Variants in SUSD4 observed in about 807,000 individuals in gnomAD.
SUSD4 encodes the protein sushi domain-containing protein 4.
In SUSD4, 41 loss-of-function variants were observed where a neutral mutation model predicts 50.5. That is an observed-to-expected ratio of 0.81 (90% CI 0.63 to 1.05). The LOEUF (loss-of-function observed/expected upper bound fraction) is 1.05, where lower values mean the gene tolerates loss of function less well. Ranked by LOEUF, SUSD4 falls within the 50% of genes least tolerant of loss-of-function variation. The pLI is 0.00. For missense variants in SUSD4, 580 were observed against 634.7 expected (o/e 0.91, Z 0.93); for synonymous variants, 257 against 257.3 (o/e 1.00, Z 0.01).
At chr1:223,323,448 C>T (rs1475233126) in intron 2 of SUSD4, among the ~76,000 whole-genome samples, 1 of 151,826 alleles carries the variant, frequency 6.6e-6, no homozygotes, top group Admixed American at 6.6e-5. Flanking sequence ...CCAGAGAGCA[C>T]TCACAAGAGT....
rs1197496704 is a variant in SUSD4, at chr1:223,332,557, C to T, written c.148+30721G>A. On this transcript the variant is annotated intron_variant, in intron 2 of 8. Transcript: ENST00000366878. This position sits in a 1 kb window ranked among gnomAD's most constrained non-coding sequence, Gnocchi z 4.0. The stretch of plus-strand genomic sequence containing the variant: ...GTCCATTTAAACTAGAAGTCGTTAG[C>T]TATTTTTAATGCTGTAATTTGGATT... 6.6e-6 allele frequency among the ~76,000 whole-genome samples: 1 copy of T among 152,198 alleles called. No homozygotes were observed. Among genetic ancestry groups the T allele is most frequent in the African/African-American group, 2.4e-5 (1 of 41,446 alleles).
At chr1:223,280,385 G>A (rs970228873) in intron 3 of SUSD4, among the ~76,000 whole-genome samples, 1 of 148,520 alleles carries the variant, frequency 6.7e-6, no homozygotes, top group East Asian at 2.0e-4. Context: ...TAAAGGGATG[G>A]AGGAAGATCT....
At chr1:223,354,066 AG>A (rs1224598089) in intron 2 of SUSD4, among the ~76,000 whole-genome samples, 2 of 152,072 alleles carry the variant, frequency 1.3e-5, no homozygotes, top group East Asian at 3.9e-4. Context: ...CAAAAAGAAA[AG>A]GTTCTGACTC....
chr1:223,348,523 T>G (rs1668168973), intron 2 of SUSD4, among the ~76,000 whole-genome samples: 1 of 152,192 alleles, frequency 6.6e-6, no homozygotes, highest in African/African-American at 2.4e-5. Context: ...TCCAAGCCAG[T>G]TGTGGCAGGA....
intron 2 of SUSD4, among the ~76,000 whole-genome samples, chr1:223,299,364 A>G (rs1486224924): frequency 1.3e-5 from 2 of 152,236 alleles, no homozygotes; most frequent in Non-Finnish European, 2.9e-5. Flanking sequence ...CTGCTCACGC[A>G]TGAGAACTAA....
intron 2 of SUSD4, among the ~76,000 whole-genome samples, chr1:223,319,135 C>T (rs111781886): frequency 3.0e-4 from 17 of 55,794 alleles, no homozygotes; most frequent in Non-Finnish European, 4.9e-4. Context: ...CTTCCTTACA[C>T]CTTATACAAA....
intron 2 of SUSD4, among the ~76,000 whole-genome samples, chr1:223,299,982 G>GT (rs1056061213): frequency 6.6e-6 from 1 of 152,162 alleles, no homozygotes; most frequent in African/African-American, 2.4e-5. Flanking sequence ...GACTCATACA[G>GT]TCTTCCTAAA....
At chr1:223,259,951 A>G (rs1661983867) in intron 5 of SUSD4, among the ~76,000 whole-genome samples, 1 of 152,156 alleles carries the variant, frequency 6.6e-6, no homozygotes. Flanking sequence ...CTTCCCTAGG[A>G]GTGAGATGTT....
intron 7 of SUSD4, among the ~76,000 whole-genome samples, chr1:223,225,247 G>C (rs1005758144): frequency 6.6e-6 from 1 of 152,098 alleles, no homozygotes; most frequent in Non-Finnish European, 1.5e-5. Flanking sequence ...AGGAAGAGAA[G>C]ACCCAGCTGG....
intron 3 of SUSD4, among the ~76,000 whole-genome samples, chr1:223,275,968 G>A (rs1034086239): frequency 6.6e-6 from 1 of 152,186 alleles, no homozygotes; most frequent in Non-Finnish European, 1.5e-5. Flanking sequence ...CCCAGCATGG[G>A]GTGCCAAGGA....
At chr1:223,302,650 C>G (rs1397083855) in intron 2 of SUSD4, among the ~76,000 whole-genome samples, 1 of 152,192 alleles carries the variant, frequency 6.6e-6, no homozygotes, top group Non-Finnish European at 1.5e-5. Context: ...CAAGGACTGC[C>G]AAACATTTTC....
intron 4 of SUSD4, among the ~76,000 whole-genome samples, 157 bp downstream of exon 4, chr1:223,268,345 A>G (rs1662666049): frequency 6.6e-6 from 1 of 152,038 alleles, no homozygotes; most frequent in Non-Finnish European, 1.5e-5. Flanking sequence ...GAGCTTTGGC[A>G]ATTGTAGTAA....
intron 5 of SUSD4, among the ~76,000 whole-genome samples, chr1:223,235,493 A>G (rs927984581): frequency 2.6e-5 from 4 of 151,888 alleles, no homozygotes; most frequent in African/African-American, 9.7e-5. Flanking sequence ...TGCCCCCCCA[A>G]ATCCTCTGTG....
chr1:223,243,028 A>G (rs1571866506), intron 5 of SUSD4, among the ~76,000 whole-genome samples: 1 of 152,098 alleles, frequency 6.6e-6, no homozygotes, highest in Non-Finnish European at 1.5e-5. Flanking sequence ...GTGTGGTCCA[A>G]TTAAGCGTGT....
At chr1:223,258,995 G>A (rs936583034) in intron 5 of SUSD4, among the ~76,000 whole-genome samples, 3 of 152,132 alleles carry the variant, frequency 2.0e-5, no homozygotes, top group African/African-American at 7.2e-5. Context: ...TCTCTACCAC[G>A]GGAGGCCCTG....
In SUSD4 at chr1:223,227,701, G is replaced by T. The variant is rs1659609424; in HGVS notation, c.954C>A (p.Thr318=). ...TWPSTHETLL[T]TWKIVAFTAT... ...CCGTGAACGCCACAATCTTCCACGT[G>T]GTCAGGAGGGTCTCATGGGTGCTGG... Residue 318 remains threonine (T), a synonymous_variant, in exon 7 of 9, where the codon ACC becomes ACA. Transcript: ENST00000366878. The surrounding 1 kb of genome is among the most constrained non-coding windows in gnomAD (Gnocchi z 4.5). The T allele has an allele frequency of 6.2e-7, 1 of 1,613,300 alleles. No individual in the cohort carries two copies. The highest frequency in any genetic ancestry group is 2.2e-5 in the East Asian group (1 of 44,836).
chr1:223,304,990 G>C (rs939856402), intron 2 of SUSD4, among the ~76,000 whole-genome samples: 1 of 151,178 alleles, frequency 6.6e-6, no homozygotes, highest in Admixed American at 6.6e-5. Flanking sequence ...CCTAACTTTT[G>C]CTAGAATAAA....
chr1:223,321,378 T>C (rs1367997654), intron 2 of SUSD4, among the ~76,000 whole-genome samples: 1 of 152,234 alleles, frequency 6.6e-6, no homozygotes, highest in African/African-American at 2.4e-5. Flanking sequence ...ATCTATAAAA[T>C]GGAGATAATA....
chr1:223,223,264 T>C lies in SUSD4; in HGVS notation c.1429A>G (p.Ile477Val), dbSNP rs999569034. Reference protein sequence around the residue: ...AEEVASTSPGIDIADEIPLME... With the variant: ...AEEVASTSPGVDIADEIPLME... ...AAGCACTTACCATCTGCAATGTCGA[T>C]GCCTGGGCTGGTGGATGCCACCTCC... The change falls in exon 8 of 9, where the codon ATC (isoleucine) becomes GTC (valine). Residue 477 changes from isoleucine to valine, a missense_variant. Ile to Val is a conservative substitution (Grantham distance 29). Coordinates refer to ENST00000366878, the MANE Select transcript of SUSD4 (RefSeq NM_017982.4). 5.8e-6 allele frequency: 9 copies of C among 1,548,528 alleles called. No individual in the cohort carries two copies. The highest frequency in any genetic ancestry group is 1.4e-5 in the African/African-American group (1 of 73,730).
Sources: gnomAD v4.1 joint callset for allele counts (sites outside exome capture counted in the v4.1 genomes callset) on GRCh38, gnomAD v4.1.1 for gene constraint, Gnocchi (gnomAD v3.1) non-coding constraint, MANE v1.5 for transcripts, NCBI Gene and HGNC (gene_info 2026-07-23, HGNC 2026-07-21) for gene names.